The following EPRS1 variants were observed in gnomAD, a reference collection of about 807,000 sequenced individuals.
The protein encoded by EPRS1 is bifunctional glutamate/proline--tRNA ligase.
EPRS1 carries 107 observed loss-of-function variants against 188.3 expected under a neutral mutation model. That is an observed-to-expected ratio of 0.57 (90% CI 0.49 to 0.67). The LOEUF (loss-of-function observed/expected upper bound fraction) is 0.67. EPRS1 is among the 30% of genes least tolerant of loss of function. The pLI, the probability that EPRS1 is intolerant of heterozygous loss-of-function variation, is 0.00. For missense variants in EPRS1, 1,577 were observed against 1,802.2 expected (o/e 0.88, Z 2.26); for synonymous variants, 596 against 593.1 (o/e 1.00, Z -0.07).
At chr1:220,032,643 G>A in intron 4 of EPRS1, 117 bp from the exon 5 acceptor site, 2 of 943,684 alleles carry the variant, frequency 2.1e-6, no homozygotes, top group East Asian at 2.5e-5. Context: ...TAAAGAAAAT[G>A]AAATGTTAAA....
Position 219,997,027 on chromosome 1 carries a change from G to A in EPRS1, c.2497C>T (p.Gln833Ter). ...SKSLYDEVAA[Q>*]GEVVRKLKAE... ...TTTAGCTTACGAACCACCTCCCCTT[G>A]TGCAGCAACTTCATCATACAGAGAT... The change falls in exon 18 of 32, where the codon CAA becomes TAA. Residue 833 changes from glutamine (Q) to a stop codon, truncating the protein, a stop_gained. Coordinates refer to ENST00000366923, the MANE Select transcript of EPRS1 (RefSeq NM_004446.3). LOFTEE classifies it high-confidence loss of function. The A allele has an allele frequency of 6.2e-7, 1 of 1,612,334 alleles. No individual in the cohort carries two copies. The highest frequency in any genetic ancestry group is 8.5e-7 in the Non-Finnish European group (1 of 1,179,442).
At chr1:219,981,608 A>C (rs1475160021) in intron 23 of EPRS1, 151 bp from the exon 24 acceptor site, 1 of 489,684 alleles carries the variant, frequency 2.0e-6, no homozygotes, top group East Asian at 3.0e-5. Context: ...ATATATTTCC[A>C]ATGTTTATAA....
At chr1:220,046,192 C>G in intron 1 of EPRS1, 151 bp downstream of exon 1, 1 of 883,254 alleles carries the variant, frequency 1.1e-6, no homozygotes, top group Non-Finnish European at 1.7e-6. Flanking sequence ...GGGTGCGGAG[C>G]CTCCTCCACG....
intron 16 of EPRS1, among the ~76,000 whole-genome samples, chr1:220,003,655 C>A (rs972760039): frequency 2.6e-5 from 4 of 152,156 alleles, no homozygotes; most frequent in Admixed American, 1.3e-4. Flanking sequence ...TTGAAAAGTT[C>A]AAAAACTTTC....
chr1:219,984,217 A>G lies in EPRS1; in HGVS notation c.3079T>C (p.Trp1027Arg). The G allele has an allele frequency of 6.2e-7, 1 of 1,613,276 alleles. No homozygotes were observed. Among genetic ancestry groups the G allele is most frequent in the South Asian group, 1.1e-5 (1 of 91,052 alleles). ...EAKKEENLAD[W>R]YSQVITKSEM... is the part of the protein sequence containing the mutation. ...GAATGCATACTCACCTGAGAATACCAATCAGCAAGATTTTCTTCTTTTTTT... is the reference window on the plus strand; with the variant it reads ...GAATGCATACTCACCTGAGAATACCGATCAGCAAGATTTTCTTCTTTTTTT... Residue 1027 changes from tryptophan to arginine, a missense_variant, in exon 21 of 32, where the codon TGG (tryptophan) becomes CGG (arginine). Around this residue, in one of 3 missense-constraint regions of EPRS1, gnomAD observed 1,278 missense variants for 1,457.4 expected, o/e 0.88. Transcript: ENST00000366923.
At chr1:220,021,388 A>G (rs564856146) in intron 9 of EPRS1, among the ~76,000 whole-genome samples, 128 of 151,626 alleles carry the variant, frequency 8.4e-4, no homozygotes, top group Non-Finnish European at 1.4e-3. Flanking sequence ...TGGTAGAGAC[A>G]GGTTCTTGCT....
At chr1:219,975,803 T>C (rs1281820617) in intron 28 of EPRS1, among the ~76,000 whole-genome samples, 2 of 151,902 alleles carry the variant, frequency 1.3e-5, no homozygotes, top group African/African-American at 2.4e-5. Context: ...CATACATAAA[T>C]AGATATGGAA....
chr1:220,040,114 T>C, intron 2 of EPRS1, 71 bp downstream of exon 2: 2 of 981,608 alleles, frequency 2.0e-6, no homozygotes, highest in South Asian at 1.5e-5. Context: ...AGGGAGACTC[T>C]GTCTCTAAAA....
rs920904911 is a variant in EPRS1 at position 220,035,002 on chromosome 1, A to G, written c.143T>C (p.Phe48Ser). 6.4e-7 allele frequency: 1 copy of G among 1,561,288 alleles called. No individual in the cohort carries two copies. Among genetic ancestry groups the G allele is most frequent in the Non-Finnish European group, 8.7e-7 (1 of 1,144,562 alleles). ...NILHVSENVIFTDVNSILRYL... is the reference protein window; with the variant it reads ...NILHVSENVISTDVNSILRYL... ...GCGAAGTATAGAATTCACATCTGTGAATATCACATTTCTAGAATATAAGCA... is the reference window on the plus strand; with the variant it reads ...GCGAAGTATAGAATTCACATCTGTGGATATCACATTTCTAGAATATAAGCA... Residue 48 changes from phenylalanine to serine, a missense_variant, in exon 3 of 32, where the codon TTC becomes TCC. Phe to Ser is a radical substitution (Grantham distance 155). This residue lies in a region of EPRS1 where 1,278 missense variants were observed against 1,457.4 expected (regional missense o/e 0.88). Transcript: ENST00000366923.
At chr1:220,004,030 CAAT>C (rs895067224) in intron 16 of EPRS1, among the ~76,000 whole-genome samples, 39 of 152,158 alleles carry the variant, frequency 2.6e-4, no homozygotes, top group Middle Eastern at 3.4e-3. Context: ...AAACTAACAA[CAAT>C]GTTTGTTTGT....
At position 219,988,559 on chromosome 1, in the gene EPRS1, C is replaced by T. The variant is rs1409246439; in HGVS notation, c.2775+31G>A. ...AGACAATACCCTGAAACATAAAAAACAAAAGCATATAAACAAAATAACACA... is the reference window on the plus strand; with the variant it reads ...AGACAATACCCTGAAACATAAAAAATAAAAGCATATAAACAAAATAACACA... On this transcript the variant is annotated intron_variant, in intron 19 of 31. Transcript: ENST00000366923. 3 of 1,477,612 alleles carry T rather than the reference C, an allele frequency of 2.0e-6. No homozygotes were observed. The South Asian group carries it at 3.5e-5, about 17-fold the overall frequency. 91.5% of individuals were successfully genotyped at this position (1,477,612 alleles called of 1,614,324 possible). A position where few individuals can be genotyped will look rare whatever the true frequency, so the allele number is the denominator to read the frequency against.
At chr1:220,027,934 C>A (rs1221846188) in intron 6 of EPRS1, among the ~76,000 whole-genome samples, 1 of 151,860 alleles carries the variant, frequency 6.6e-6, no homozygotes, top group African/African-American at 2.4e-5. Flanking sequence ...GAAAAACTAA[C>A]AAAATCCCAA....
At chr1:220,019,213 G>C (rs899611410) in intron 10 of EPRS1, 134 bp from the exon 11 acceptor site, 2 of 641,602 alleles carry the variant, frequency 3.1e-6, no homozygotes, top group Non-Finnish European at 5.5e-6. Flanking sequence ...TACTAATTAG[G>C]TAGTATGCAA....
At position 220,020,016 on chromosome 1, in the gene EPRS1, AC is replaced by A; in HGVS notation, c.1320del (p.Trp440CysfsTer7). 1 of 1,613,576 alleles carries A rather than the reference AC, an allele frequency of 6.2e-7. No homozygotes were observed. The highest frequency in any genetic ancestry group is 8.5e-7 in the Non-Finnish European group (1 of 1,179,518). On this transcript the variant is annotated frameshift_variant, in exon 10 of 32. Transcript: ENST00000366923. LOFTEE classifies it high-confidence loss of function. ...NTVLSKRKLT[W>X]FVNEGLVDGW... The stretch of plus-strand genomic sequence containing the variant: ...CCATCTACTAGTCCTTCATTGACAA[AC>A]CATGTGAGTTTTCTTTTGGATAGCA...
chr1:220,008,973 C>G lies in EPRS1; in HGVS notation c.1606-1635G>C, dbSNP rs1566252. ...TTACAGGCATAAGCCACCAACCTAG[C>G]AATTTAATCTAAACTATCAGACCAC... On this transcript the variant is annotated intron_variant, in intron 13 of 31. Coordinates refer to ENST00000366923, the MANE Select transcript of EPRS1 (RefSeq NM_004446.3). Among the ~76,000 whole-genome samples, 3 of 152,124 alleles carry G rather than the reference C, an allele frequency of 2.0e-5. No homozygotes were observed. The East Asian group carries it at 5.8e-4, about 29-fold the overall frequency.
chr1:220,032,924 A>G (rs1388404593), intron 4 of EPRS1, among the ~76,000 whole-genome samples: 1 of 152,202 alleles, frequency 6.6e-6, no homozygotes, highest in East Asian at 1.9e-4. Flanking sequence ...GTCAAAATTT[A>G]TCAAAATATA....
intron 9 of EPRS1, among the ~76,000 whole-genome samples, chr1:220,020,858 ATATATATATATATT>A (rs1661864490): frequency 1.4e-5 from 1 of 72,284 alleles, no homozygotes; most frequent in Non-Finnish European, 2.7e-5. Flanking sequence ...ATATATATAT[ATATATATATATATT>A]AGTGCATTAT....
chr1:219,989,902 T>C (rs1016037979), intron 18 of EPRS1, among the ~76,000 whole-genome samples: 2 of 152,088 alleles, frequency 1.3e-5, no homozygotes, highest in African/African-American at 2.4e-5. Context: ...CAGAAACTAC[T>C]TTATCTCAAG....
chr1:219,968,784 AG>A lies in EPRS1; in HGVS notation c.*21del, dbSNP rs1409707998. 1.9e-6 allele frequency: 3 copies of A among 1,612,594 alleles called. No individual in the cohort carries two copies. Among genetic ancestry groups the A allele is most frequent in the Non-Finnish European group, 2.5e-6 (3 of 1,178,660 alleles). On this transcript the variant is annotated 3_prime_UTR_variant, in exon 32 of 32. Transcript: ENST00000366923. ...TGCTTTAAAAAGTGAGAGGAGTTGA[AG>A]AGGGGGCTTTCGTTCATCCCTCAGT...
Sources: gnomAD v4.1 joint callset for allele counts (sites outside exome capture counted in the v4.1 genomes callset) on GRCh38, gnomAD v4.1.1 for gene constraint, gnomAD v4.1.1 regional missense constraint, MANE v1.5 for transcripts, NCBI Gene and HGNC (gene_info 2026-07-23, HGNC 2026-07-21) for gene names.